Variants in PASK observed in about 807,000 individuals in gnomAD.
The protein encoded by PASK is PAS domain containing serine/threonine kinase, also known as PAS domain-containing serine/threonine-protein kinase.
A neutral mutation model predicts 121.0 loss-of-function variants in PASK; 110 were observed. The ratio of observed to expected loss-of-function variants is 0.91; its 90% CI spans 0.78 to 1.06. The LOEUF (loss-of-function observed/expected upper bound fraction) is 1.06, where lower values mean the gene tolerates loss of function less well. Among genes scored for constraint, PASK ranks in the 50% least tolerant of loss-of-function variants. PASK has a pLI of 0.00. For synonymous variants in PASK, 686 were observed against 717.8 expected, an observed-to-expected ratio of 0.96 and a Z score of 0.71; for missense variants, 1,643 against 1,702.3, an observed-to-expected ratio of 0.97 and a Z score of 0.61.
At chr2:241,115,848 C>T (rs1255204257) in intron 12 of PASK, among the ~76,000 whole-genome samples, 3 of 139,600 alleles carry the variant, frequency 2.1e-5, no homozygotes, top group South Asian at 2.4e-4. Flanking sequence ...CATCCCATTA[C>T]GCCGGGGCCA....
At chr2:241,132,693 G>A (rs1379422606) in intron 9 of PASK, among the ~76,000 whole-genome samples, 181 bp downstream of exon 9, 1 of 152,134 alleles carries the variant, frequency 6.6e-6, no homozygotes, top group African/African-American at 2.4e-5. Context: ...TAAGGACTCA[G>A]CCAGGCAGCA....
intron 9 of PASK, among the ~76,000 whole-genome samples, chr2:241,132,012 C>T (rs1188893625): frequency 7.1e-6 from 1 of 141,040 alleles, no homozygotes; most frequent in African/African-American, 2.7e-5. Flanking sequence ...AAGATCACGC[C>T]ACTGCACTCT....
At position 241,140,766 on chromosome 2, in the gene PASK, G is replaced by C. The variant is rs1328511180; in HGVS notation, c.197-13C>G. Reference sequence around the variant, plus strand: ...CTCCATCTGTCTTCTGAAAAGAGAAGCGAAGCGAAGCTTTAGACTTCACAC... The same window carrying C: ...CTCCATCTGTCTTCTGAAAAGAGAACCGAAGCGAAGCTTTAGACTTCACAC... On this transcript the variant is annotated splice_polypyrimidine_tract_variant and intron_variant, in intron 2 of 17. Coordinates refer to ENST00000234040, the MANE Select transcript of PASK (RefSeq NM_015148.4). 6.4e-7 allele frequency: 1 copy of C among 1,563,130 alleles called. No homozygotes were observed. Among genetic ancestry groups the C allele is most frequent in the East Asian group, 2.2e-5 (1 of 44,592 alleles).
intron 1 of PASK, among the ~76,000 whole-genome samples, chr2:241,144,795 C>CTG (rs2066876649): frequency 1.3e-5 from 2 of 152,246 alleles, no homozygotes; most frequent in Admixed American, 1.3e-4. Flanking sequence ...GGAGTCCCCC[C>CTG]TCCTTGCCTT....
chr2:241,142,991 T>C lies in PASK; in HGVS notation c.42A>G (p.Arg14=). The part of the protein sequence containing the change: ...GGLTAFEEDQ[R]CLSQSLPLPV... ...GCAAGGGGAGGCTCTGGGAAAGGCA[T>C]CTCTGGTCCTCTTCAAAGGCTGTTA... The change falls in exon 2 of 18, where the codon AGA becomes AGG. Residue 14 remains arginine (R), a synonymous_variant. Transcript: ENST00000234040. 2 of 1,613,986 alleles carry C rather than the reference T, an allele frequency of 1.2e-6. No homozygotes were observed. Among genetic ancestry groups the C allele is most frequent in the Non-Finnish European group, 1.7e-6 (2 of 1,179,988 alleles).
rs1408824265 is a variant in PASK, at chr2:241,112,044, C to T, written c.3533+196G>A. On this transcript the variant is annotated intron_variant, in intron 15 of 17. Transcript: ENST00000234040. The surrounding 1 kb of genome is among the most constrained non-coding windows in gnomAD (Gnocchi z 5.2). ...GCTGAGAAAATAAAATTATTAACTC[C>T]TATATCCATCGCCCAGTGCCTTTGC... is the stretch of plus-strand genomic sequence containing the variant. 6.6e-6 allele frequency among the ~76,000 whole-genome samples: 1 copy of T among 152,052 alleles called. No individual in the cohort carries two copies. The highest frequency in any genetic ancestry group is 2.4e-5 in the African/African-American group (1 of 41,382).
chr2:241,110,847 A>G (rs576949122), intron 15 of PASK, among the ~76,000 whole-genome samples: 4 of 152,328 alleles, frequency 2.6e-5, no homozygotes, highest in East Asian at 1.9e-4. Flanking sequence ...GGGAAACTCC[A>G]CGGCCCTTCT....
intron 11 of PASK, 23 bp downstream of exon 11, chr2:241,123,926 A>AG (rs1372397484): frequency 6.3e-7 from 1 of 1,598,576 alleles, no homozygotes; most frequent in East Asian, 2.2e-5. Context: ...AGTCCAGGGC[A>AG]GGCATTGATT....
chr2:241,120,774 A>G (rs2065572666), intron 12 of PASK, among the ~76,000 whole-genome samples: 1 of 152,248 alleles, frequency 6.6e-6, no homozygotes, highest in Non-Finnish European at 1.5e-5. Flanking sequence ...GCAGTTCCTC[A>G]AAACATTAGA....
At chr2:241,111,176 T>C (rs3815298) in intron 15 of PASK, among the ~76,000 whole-genome samples, 35,746 of 152,042 alleles carry the variant, frequency 0.24, 6,560 homozygotes, top group African/African-American at 0.5. Flanking sequence ...ATGGAGCTCG[T>C]GCGTGACTGC....
chr2:241,117,509 T>C (rs2270044), intron 12 of PASK, among the ~76,000 whole-genome samples: 17,027 of 151,886 alleles, frequency 0.11, 1,385 homozygotes, highest in African/African-American at 0.23. Flanking sequence ...CTAAAATGAG[T>C]GTCAGGAGGA....
Position 241,126,273 on chromosome 2 carries a change from C to G in PASK, c.2642G>C (p.Gly881Ala). The change falls in exon 10 of 18, where the codon GGG becomes GCG. Residue 881 changes from glycine (G) to alanine (A), a missense_variant. Gly to Ala is a moderately conservative substitution (Grantham distance 60). This residue lies in a region of PASK where 1,176 missense variants were observed against 1,162.2 expected (regional missense o/e 1.01). Coordinates refer to ENST00000234040, the MANE Select transcript of PASK (RefSeq NM_015148.4). Reference sequence around the variant, plus strand: ...GATCTCCCGCTGCAGGCCAGCAGCCCCGCGCATCACGATCACGGGCGTGGA... The same window carrying G: ...GATCTCCCGCTGCAGGCCAGCAGCCGCGCGCATCACGATCACGGGCGTGGA... ...VTSTPVIVMR[G>A]AAGLQREIQE... 6.2e-7 allele frequency: 1 copy of G among 1,614,148 alleles called. No individual in the cohort carries two copies. Among genetic ancestry groups the G allele is most frequent in the Non-Finnish European group, 8.5e-7 (1 of 1,180,032 alleles).
chr2:241,141,305 T>C (rs1240938244), intron 2 of PASK, among the ~76,000 whole-genome samples: 1 of 152,038 alleles, frequency 6.6e-6, no homozygotes, highest in African/African-American at 2.4e-5. Context: ...AAAGCTTAAT[T>C]ACACTCAAAG....
upstream of PASK, chr2:241,149,631 A>T: frequency 1.3e-6 from 2 of 1,538,582 alleles, no homozygotes; most frequent in South Asian, 1.2e-5. Flanking sequence ...GGCGCTTCGG[A>T]GGAGCCAAAG....
upstream of PASK, chr2:241,150,271 A>T (rs1341413040): frequency 5.3e-6 from 7 of 1,320,578 alleles, no homozygotes; most frequent in Non-Finnish European, 6.8e-6. Context: ...TCTCGCCTCC[A>T]GACTGTTCCG....
intron 4 of PASK, 152 bp downstream of exon 4, chr2:241,139,733 G>A: frequency 2.6e-6 from 2 of 769,926 alleles, no homozygotes; most frequent in South Asian, 1.5e-5. Context: ...GCGGGGAAAC[G>A]GCGCCTGGGA....
intron 11 of PASK, 47 bp from the exon 12 acceptor site, chr2:241,122,946 G>A: frequency 6.3e-7 from 1 of 1,581,392 alleles, no homozygotes; most frequent in Non-Finnish European, 8.7e-7. Flanking sequence ...ACTGCACCGG[G>A]CAGAGGTGCA....
chr2:241,121,286 T>C (rs1180449591), intron 12 of PASK, among the ~76,000 whole-genome samples: 1 of 152,242 alleles, frequency 6.6e-6, no homozygotes, highest in Non-Finnish European at 1.5e-5. Flanking sequence ...ATTCTGTATA[T>C]ACTAAAATCT....
chr2:241,132,569 T>C (rs1228040829), intron 9 of PASK, among the ~76,000 whole-genome samples: 4 of 145,028 alleles, frequency 2.8e-5, no homozygotes, highest in Middle Eastern at 3.6e-3. Flanking sequence ...ATGATAAAAT[T>C]ATGATTCCAT....
Sources: gnomAD v4.1 joint callset for allele counts (sites outside exome capture counted in the v4.1 genomes callset) on GRCh38, gnomAD v4.1.1 for gene constraint, gnomAD v4.1.1 regional missense constraint, Gnocchi (gnomAD v3.1) non-coding constraint, MANE v1.5 for transcripts, NCBI Gene and HGNC (gene_info 2026-07-23, HGNC 2026-07-21) for gene names.